CSMD1: variants seen among roughly 807,000 people sequenced by gnomAD.
CSMD1 encodes the protein CUB and sushi domain-containing protein 1.
A neutral mutation model predicts 417.5 loss-of-function variants in CSMD1; 213 were observed. The observed-to-expected ratio is 0.51, with a 90% CI of 0.46 to 0.57. The LOEUF is 0.57. Among genes scored for constraint, CSMD1 ranks in the 20% least tolerant of loss-of-function variants. The pLI, the probability that CSMD1 is intolerant of heterozygous loss-of-function variation, is 0.00. For synonymous variants in CSMD1, 2,862 were observed against 1,736.8 expected (o/e 1.65, Z -16.11); for missense variants, 6,923 against 4,529.7 (o/e 1.53, Z -15.17).
chr8:4,045,426 A>T (rs972976808), intron 3 of CSMD1, among the ~76,000 whole-genome samples: 1 of 152,218 alleles, frequency 6.6e-6, no homozygotes, highest in Non-Finnish European at 1.5e-5. Context: ...TGGCCACAGC[A>T]GTAGAAATGA....
At chr8:4,644,865 C>G (rs1252319323) in intron 1 of CSMD1, among the ~76,000 whole-genome samples, 1 of 152,156 alleles carries the variant, frequency 6.6e-6, no homozygotes, top group Non-Finnish European at 1.5e-5. Context: ...AGAATAGTGC[C>G]TGCTAGTTGA....
chr8:4,191,979 C>A (rs73658449), intron 3 of CSMD1, among the ~76,000 whole-genome samples: 29 of 152,278 alleles, frequency 1.9e-4, no homozygotes, highest in African/African-American at 7.0e-4. Flanking sequence ...TAGAGGAACA[C>A]GTCCCTAAGG....
chr8:4,402,800 C>CTT (rs60965667), intron 3 of CSMD1, among the ~76,000 whole-genome samples: 161 of 89,338 alleles, frequency 1.8e-3, no homozygotes, highest in Middle Eastern at 8.6e-3. Context: ...TCACTTTTTT[C>CTT]TTTTTTTTTT....
At chr8:2,993,524 T>C (rs1806595435) in intron 54 of CSMD1, among the ~76,000 whole-genome samples, 1 of 152,202 alleles carries the variant, frequency 6.6e-6, no homozygotes, top group Admixed American at 6.5e-5. Context: ...GGATCTACTT[T>C]AAAAATATTT....
chr8:4,387,100 T>C (rs1270169227), intron 3 of CSMD1, among the ~76,000 whole-genome samples: 1 of 152,148 alleles, frequency 6.6e-6, no homozygotes, highest in Non-Finnish European at 1.5e-5. Flanking sequence ...TTAATAGAGT[T>C]AGGATAAATG....
At chr8:4,897,720 A>T (rs147125734) in intron 1 of CSMD1, among the ~76,000 whole-genome samples, 1 of 152,236 alleles carries the variant, frequency 6.6e-6, no homozygotes, top group East Asian at 1.9e-4. Flanking sequence ...CTATCTGCGT[A>T]TTGAAGAATA....
chr8:4,364,286 G>C (rs1183667985), intron 3 of CSMD1, among the ~76,000 whole-genome samples: 2 of 152,112 alleles, frequency 1.3e-5, no homozygotes, highest in Admixed American at 1.3e-4. Context: ...CTTTCTTTAA[G>C]CCAAGGGGAA....
intron 3 of CSMD1, among the ~76,000 whole-genome samples, chr8:4,391,484 C>G (rs888009127): frequency 3.9e-5 from 6 of 152,098 alleles, no homozygotes; most frequent in African/African-American, 1.4e-4. Context: ...AGAACTCTGA[C>G]CCACACCCTC....
At chr8:3,286,147 G>C (rs997661449) in intron 25 of CSMD1, among the ~76,000 whole-genome samples, 4 of 152,094 alleles carry the variant, frequency 2.6e-5, no homozygotes, top group Non-Finnish European at 4.4e-5. Flanking sequence ...CCCTACAAAG[G>C]ACATGAACTC....
chr8:4,306,122 A>C (rs1163432625), intron 3 of CSMD1, among the ~76,000 whole-genome samples: 2 of 152,198 alleles, frequency 1.3e-5, no homozygotes, highest in Non-Finnish European at 2.9e-5. Flanking sequence ...AATAGTTGGT[A>C]ATGAATAGTC....
intron 1 of CSMD1, among the ~76,000 whole-genome samples, chr8:4,815,031 T>G (rs1205784883): frequency 6.6e-6 from 1 of 152,162 alleles, no homozygotes; most frequent in Admixed American, 6.5e-5. Context: ...TTAGTTTAAA[T>G]TTCCTTCTGA....
At position 3,900,107 on chromosome 8, in the gene CSMD1, T is replaced by G. The variant is rs982139972; in HGVS notation, c.818+97796A>C. ...GCAGCTGTGTGATGGTGCAGCTGGT[T>G]GGCACTGTAGCTGGGTGACACTGCA... On this transcript the variant is annotated intron_variant, in intron 5 of 69. Transcript: ENST00000635120. 8.6e-5 allele frequency among the ~76,000 whole-genome samples: 13 copies of G among 152,010 alleles called. No homozygotes were observed. In the East Asian group the frequency reaches 2.1e-3, roughly 25 times the overall value.
intron 1 of CSMD1, among the ~76,000 whole-genome samples, chr8:4,983,982 C>A (rs1204228760): frequency 6.6e-6 from 1 of 152,074 alleles, no homozygotes; most frequent in African/African-American, 2.4e-5. Flanking sequence ...CCTGGCCTGG[C>A]TGAATTGGAA....
chr8:3,731,016 T>C (rs886610759), intron 6 of CSMD1, among the ~76,000 whole-genome samples: 4 of 152,204 alleles, frequency 2.6e-5, no homozygotes, highest in Non-Finnish European at 5.9e-5. Flanking sequence ...GAATTGAACC[T>C]ACAGATACCC....
chr8:4,403,707 C>T (rs542762462), intron 3 of CSMD1, among the ~76,000 whole-genome samples: 10 of 152,282 alleles, frequency 6.6e-5, no homozygotes, highest in African/African-American at 2.4e-4. Context: ...TTGACCTCTT[C>T]ATGTCACTCT....
intron 7 of CSMD1, among the ~76,000 whole-genome samples, chr8:3,697,821 G>A (rs1488191658): frequency 6.6e-6 from 1 of 151,956 alleles, no homozygotes; most frequent in Non-Finnish European, 1.5e-5. Context: ...CCTTTTTTAG[G>A]TCTGCCATCA....
chr8:3,255,263 G>C (rs1329427285), intron 26 of CSMD1, among the ~76,000 whole-genome samples: 2 of 151,974 alleles, frequency 1.3e-5, no homozygotes, highest in African/African-American at 2.4e-5. Flanking sequence ...GCCGTGTGAG[G>C]TGTCAGTCTG....
chr8:3,355,634 T>A (rs1808730371), intron 21 of CSMD1, among the ~76,000 whole-genome samples: 1 of 152,126 alleles, frequency 6.6e-6, no homozygotes, highest in South Asian at 2.1e-4. Flanking sequence ...TGTGATGATA[T>A]GAGATCAGGA....
intron 10 of CSMD1, among the ~76,000 whole-genome samples, chr8:3,547,402 T>G (rs1798712951): frequency 6.6e-6 from 1 of 152,216 alleles, no homozygotes; most frequent in South Asian, 2.1e-4. Context: ...TAAAACTGAT[T>G]CAGTTTTTAA....
Sources: gnomAD v4.1 joint callset for allele counts (sites outside exome capture counted in the v4.1 genomes callset) on GRCh38, gnomAD v4.1.1 for gene constraint, MANE v1.5 for transcripts, NCBI Gene and HGNC (gene_info 2026-07-23, HGNC 2026-07-21) for gene names.